APLF: variants seen among roughly 807,000 people sequenced by gnomAD.
APLF encodes aprataxin and PNKP like factor, also known as aprataxin and PNK-like factor.
APLF carries 61 observed loss-of-function variants against 55.6 expected under a neutral mutation model. The ratio of observed to expected loss-of-function variants is 1.10; its 90% CI spans 0.89 to 1.36. The LOEUF (loss-of-function observed/expected upper bound fraction) is 1.36, where lower values mean the gene tolerates loss of function less well. APLF is among the 40% of genes most tolerant of loss of function. The pLI is 0.00. For synonymous variants in APLF, 207 were observed against 214.8 expected (o/e 0.96, Z 0.32); for missense variants, 611 against 602.5 (o/e 1.01, Z -0.15).
chr2:68,576,647 A>T (rs1671633327), intron 9 of APLF, among the ~76,000 whole-genome samples: 1 of 152,176 alleles, frequency 6.6e-6, no homozygotes, highest in Middle Eastern at 3.2e-3. Flanking sequence ...ATGCGTACTG[A>T]TATTAAGAAA....
At chr2:68,517,912 A>G (rs1291745808) in intron 5 of APLF, among the ~76,000 whole-genome samples, 1 of 144,272 alleles carries the variant, frequency 6.9e-6, no homozygotes, top group African/African-American at 2.5e-5. Context: ...TAGCAGTATT[A>G]TATCACTAAT....
At chr2:68,563,305 T>G (rs1671215206) in intron 8 of APLF, 2 of 984,024 alleles carry the variant, frequency 2.0e-6, no homozygotes, top group Middle Eastern at 5.2e-4. Context: ...AAATTTCACA[T>G]TACATTTTCT....
intron 7 of APLF, among the ~76,000 whole-genome samples, chr2:68,544,887 T>C (rs909969660): frequency 6.6e-6 from 1 of 152,190 alleles, no homozygotes; most frequent in South Asian, 2.1e-4. Context: ...TGTTATATGC[T>C]TACATACATA....
At position 68,507,189 on chromosome 2, in the gene APLF, AT is replaced by A. The variant is rs551252265; in HGVS notation, c.341+4291del. On this transcript the variant is annotated intron_variant, in intron 3 of 9. Transcript: ENST00000303795. ...GATAGACTACATATATTCTCTATAT[AT>A]TTTTGCATGTTGAAATATTTAAGAC... Among the ~76,000 whole-genome samples the A allele has an allele frequency of 4.0e-3, 606 of 152,006 alleles. 1 individual carries two copies. Among genetic ancestry groups the A allele is most frequent in the Middle Eastern group, 6.8e-3 (2 of 294 alleles).
At chr2:68,515,406 A>G (rs1202534794) in intron 5 of APLF, among the ~76,000 whole-genome samples, 1 of 151,790 alleles carries the variant, frequency 6.6e-6, no homozygotes, top group Non-Finnish European at 1.5e-5. Context: ...TCAGTAGAAT[A>G]ATTTCTCTGA....
At chr2:68,496,360 C>T (rs1676546863) in intron 2 of APLF, among the ~76,000 whole-genome samples, 2 of 152,204 alleles carry the variant, frequency 1.3e-5, no homozygotes, top group Non-Finnish European at 2.9e-5. Flanking sequence ...CAGCCTCAGC[C>T]TCCCAAAGTA....
intron 1 of APLF, among the ~76,000 whole-genome samples, chr2:68,478,316 G>A (rs1261726009): frequency 6.6e-6 from 1 of 152,178 alleles, no homozygotes; most frequent in African/African-American, 2.4e-5. Flanking sequence ...AATTCATGAA[G>A]CTTTCACTGC....
intron 1 of APLF, among the ~76,000 whole-genome samples, chr2:68,477,591 G>A (rs1028007024): frequency 6.6e-6 from 1 of 152,218 alleles, no homozygotes; most frequent in Non-Finnish European, 1.5e-5. Context: ...AGTGAGCCAT[G>A]ACTGCACCAT....
intron 2 of APLF, among the ~76,000 whole-genome samples, chr2:68,492,930 T>TA (rs1558530575): frequency 6.6e-6 from 1 of 152,232 alleles, no homozygotes; most frequent in African/African-American, 2.4e-5. Flanking sequence ...AGCTCTTTTT[T>TA]ATCCTTTTTC....
intron 2 of APLF, among the ~76,000 whole-genome samples, chr2:68,499,380 G>A (rs1462203628): frequency 6.6e-6 from 1 of 152,198 alleles, no homozygotes; most frequent in Non-Finnish European, 1.5e-5. Flanking sequence ...CATTGAAGCA[G>A]TTGGGAGTCC....
chr2:68,528,747 C>G (rs1278495727), intron 6 of APLF: 3 of 1,497,750 alleles, frequency 2.0e-6, no homozygotes, highest in Non-Finnish European at 2.7e-6. Context: ...TGTGAACTGG[C>G]GACTCCATGG....
intron 3 of APLF, among the ~76,000 whole-genome samples, chr2:68,506,749 C>T (rs1368800868): frequency 1.3e-5 from 2 of 151,878 alleles, no homozygotes; most frequent in African/African-American, 4.8e-5. Flanking sequence ...CTATAGCACT[C>T]ATTTGAATTG....
intron 2 of APLF, among the ~76,000 whole-genome samples, chr2:68,501,899 T>C (rs1676732992): frequency 6.6e-6 from 1 of 152,184 alleles, no homozygotes; most frequent in East Asian, 1.9e-4. Context: ...TAATTTATAA[T>C]GAACAGACAT....
chr2:68,578,710 CT>C lies in APLF; in HGVS notation c.*696del. ...AGTAAAAAAACTCAAAAAACTTGAC[CT>C]TTTTTTTCAAACTAAAGTCCTAGCT... On this transcript the variant is annotated 3_prime_UTR_variant, in exon 10 of 10. Transcript: ENST00000303795. The C allele has an allele frequency of 2.0e-6, 2 of 984,786 alleles. No homozygotes were observed. Among genetic ancestry groups the C allele is most frequent in the Non-Finnish European group, 2.4e-6 (2 of 829,644 alleles). 61.0% of individuals were successfully genotyped at this position (984,786 alleles called of 1,614,324 possible). A position where few individuals can be genotyped will look rare whatever the true frequency, so the allele number is the denominator to read the frequency against.
chr2:68,470,677 T>C (rs1426875028), intron 1 of APLF, among the ~76,000 whole-genome samples: 1 of 152,218 alleles, frequency 6.6e-6, no homozygotes, highest in Non-Finnish European at 1.5e-5. Flanking sequence ...ATTTTTCTTA[T>C]TTTGTTTTGA....
intron 5 of APLF, among the ~76,000 whole-genome samples, chr2:68,514,858 C>G (rs1204041751): frequency 6.6e-6 from 1 of 151,884 alleles, no homozygotes; most frequent in Non-Finnish European, 1.5e-5. Context: ...TGGTCAATCT[C>G]CAGTGCCTAC....
intron 5 of APLF, among the ~76,000 whole-genome samples, chr2:68,520,990 C>A (rs974068706): frequency 6.6e-6 from 1 of 152,012 alleles, no homozygotes; most frequent in Non-Finnish European, 1.5e-5. Flanking sequence ...TCTATGATTT[C>A]TTTCAGCAGT....
intron 3 of APLF, among the ~76,000 whole-genome samples, chr2:68,512,657 A>G (rs1669419918): frequency 6.6e-6 from 1 of 151,806 alleles, no homozygotes; most frequent in African/African-American, 2.4e-5. Context: ...CTTCAGTAGC[A>G]GTTATGTGTC....
rs771384417 is a variant in APLF at position 68,513,134 on chromosome 2, C to G, written c.396C>G (p.Pro132=). The G allele has an allele frequency of 6.2e-6, 10 of 1,611,056 alleles. No homozygotes were observed. The highest frequency in any genetic ancestry group is 8.5e-6 in the Non-Finnish European group (10 of 1,178,182). The part of the protein sequence containing the change: ...DNILNETPKS[P]VINLPHETTG... ...TATTGAATGAAACACCAAAATCCCC[C>G]GTGATTAATTTACCTCATGAGACTA... Residue 132 remains proline (P), a synonymous_variant, in exon 4 of 10, where the codon CCC becomes CCG. Transcript: ENST00000303795.
Sources: gnomAD v4.1 joint callset for allele counts (sites outside exome capture counted in the v4.1 genomes callset) on GRCh38, gnomAD v4.1.1 for gene constraint, MANE v1.5 for transcripts, NCBI Gene and HGNC (gene_info 2026-07-23, HGNC 2026-07-21) for gene names.